The following STX8 variants were observed in gnomAD, a reference collection of about 807,000 sequenced individuals.
STX8 encodes the protein syntaxin 8, also known as syntaxin-8.
In STX8, 23 loss-of-function variants were observed where a neutral mutation model predicts 37.5. The observed-to-expected ratio is 0.61, with a 90% CI of 0.44 to 0.87. The LOEUF (loss-of-function observed/expected upper bound fraction) is 0.87. Among genes scored for constraint, STX8 ranks in the 40% least tolerant of loss-of-function variants. STX8 has a pLI of 0.00. For synonymous variants in STX8, 115 were observed against 99.1 expected (o/e 1.16, Z -0.95); for missense variants, 313 against 284.7 (o/e 1.10, Z -0.71).
chr17:9,404,605 C>G (rs923998011), intron 6 of STX8, among the ~76,000 whole-genome samples: 7 of 152,100 alleles, frequency 4.6e-5, no homozygotes, highest in African/African-American at 1.4e-4. Context: ...CAGGCACACA[C>G]CACCACACCC....
intron 6 of STX8, among the ~76,000 whole-genome samples, chr17:9,395,086 A>AG (rs1912352569): frequency 6.6e-6 from 1 of 151,840 alleles, no homozygotes; most frequent in Non-Finnish European, 1.5e-5. Flanking sequence ...AAAAAAAAAA[A>AG]AAGTTTAAAC....
intron 5 of STX8, among the ~76,000 whole-genome samples, chr17:9,498,824 G>T (rs1339472988): frequency 6.6e-6 from 1 of 152,222 alleles, no homozygotes; most frequent in Non-Finnish European, 1.5e-5. Context: ...AAGGTGGAAT[G>T]ACACTTCATA....
chr17:9,294,847 A>C (rs550683126), intron 7 of STX8, among the ~76,000 whole-genome samples: 3 of 152,234 alleles, frequency 2.0e-5, no homozygotes, highest in African/African-American at 7.2e-5. Flanking sequence ...TGATGTCATT[A>C]TAAGAAGAGG....
intron 5 of STX8, 68 bp downstream of exon 5, chr17:9,504,970 T>C: frequency 1.3e-5 from 1 of 75,894 alleles, no homozygotes; most frequent in Non-Finnish European, 2.2e-5. Context: ...CAAGACTCCG[T>C]CTCAAAAAAA....
chr17:9,559,760 A>ATATATATATATATATTTTTT, intron 2 of STX8, among the ~76,000 whole-genome samples: 11 of 24,488 alleles, frequency 4.5e-4, no homozygotes, highest in African/African-American at 1.9e-3. Flanking sequence ...ATATATATAT[A>ATATATATATATATATTTTTT]TTTTTTTTTT....
chr17:9,353,694 C>T (rs1910785286), intron 7 of STX8, among the ~76,000 whole-genome samples: 1 of 152,184 alleles, frequency 6.6e-6, no homozygotes, highest in Non-Finnish European at 1.5e-5. Context: ...AAGATTTCTG[C>T]AATTCAATGT....
At chr17:9,379,957 G>C (rs1370343607) in intron 6 of STX8, among the ~76,000 whole-genome samples, 1 of 144,242 alleles carries the variant, frequency 6.9e-6, no homozygotes, top group Non-Finnish European at 1.5e-5. Flanking sequence ...GACAGAGAGA[G>C]ACTCTGTCTC....
At chr17:9,506,385 G>A (rs796077959) in intron 4 of STX8, among the ~76,000 whole-genome samples, 1 of 141,316 alleles carries the variant, frequency 7.1e-6, no homozygotes, top group African/African-American at 2.7e-5. Flanking sequence ...TGACTGATTA[G>A]AGTCAGCTGG....
intron 7 of STX8, among the ~76,000 whole-genome samples, chr17:9,290,519 A>G (rs1908278871): frequency 6.6e-6 from 1 of 152,218 alleles, no homozygotes; most frequent in Non-Finnish European, 1.5e-5. Flanking sequence ...AGCAAATTTG[A>G]TACATTTATC....
chr17:9,398,815 G>A (rs955688300), intron 6 of STX8, among the ~76,000 whole-genome samples: 5 of 152,108 alleles, frequency 3.3e-5, no homozygotes, highest in East Asian at 1.9e-4. Context: ...TTGGGAGGCC[G>A]AGGCTGGTGG....
chr17:9,389,496 A>AC (rs1259119546), intron 6 of STX8, among the ~76,000 whole-genome samples: 2 of 152,236 alleles, frequency 1.3e-5, no homozygotes, highest in Non-Finnish European at 2.9e-5. Context: ...ACAAAATGGA[A>AC]CAACGTAAAG....
rs537776788 is a variant in STX8, at chr17:9,382,198, T to C, written c.542-3545A>G. On this transcript the variant is annotated intron_variant, in intron 6 of 7. Coordinates refer to ENST00000306357, the MANE Select transcript of STX8 (RefSeq NM_004853.3). ...ACACACACACACACACACACACACA[T>C]ATGCCCTGCCAAGAGGTATAGTTTT... Among the ~76,000 whole-genome samples, 83 of 149,366 alleles carry C rather than the reference T, an allele frequency of 5.6e-4. No individual in the cohort carries two copies. The Middle Eastern group carries it at 0.014, about 25-fold the overall frequency.
At chr17:9,386,236 G>A (rs1255391327) in intron 6 of STX8, among the ~76,000 whole-genome samples, 1 of 152,054 alleles carries the variant, frequency 6.6e-6, no homozygotes, top group East Asian at 1.9e-4. Context: ...TCTGTTAATG[G>A]AATACTATTC....
intron 7 of STX8, among the ~76,000 whole-genome samples, chr17:9,269,299 G>A (rs1907363681): frequency 6.6e-6 from 1 of 152,152 alleles, no homozygotes; most frequent in South Asian, 2.1e-4. Flanking sequence ...GGTGATTGGG[G>A]TACACGTCCT....
chr17:9,288,488 C>T (rs546356622), intron 7 of STX8, among the ~76,000 whole-genome samples: 24 of 151,576 alleles, frequency 1.6e-4, no homozygotes, highest in Non-Finnish European at 2.9e-4. Flanking sequence ...GGTGAAACCC[C>T]GTCTCTACTA....
intron 6 of STX8, among the ~76,000 whole-genome samples, chr17:9,479,348 A>G (rs147498090): frequency 2.2e-3 from 328 of 152,180 alleles, no homozygotes; most frequent in Non-Finnish European, 3.3e-3. Context: ...AGCCTGGCCA[A>G]CATGGCGAAA....
chr17:9,259,344 C>T (rs944013836), intron 7 of STX8, among the ~76,000 whole-genome samples: 2 of 152,152 alleles, frequency 1.3e-5, no homozygotes, highest in South Asian at 2.1e-4. Context: ...CTGCCTGAAA[C>T]GGGTGCCTAG....
chr17:9,273,300 A>G (rs561190087), intron 7 of STX8: 7 of 152,366 alleles, frequency 4.6e-5, no homozygotes, highest in South Asian at 4.1e-4. Context: ...CTGGAGCCCA[A>G]TTCTCCTTTT....
At chr17:9,422,105 GTTT>G (rs567821440) in intron 6 of STX8, among the ~76,000 whole-genome samples, 2 of 139,660 alleles carry the variant, frequency 1.4e-5, no homozygotes, top group Non-Finnish European at 3.1e-5. Context: ...TCGGGTAGTA[GTTT>G]TTTTTTTTTT....
Sources: allele counts gnomAD v4.1 joint callset (sites outside exome capture counted in the v4.1 genomes callset), GRCh38; gene constraint gnomAD v4.1.1; transcripts MANE v1.5; gene names NCBI Gene and HGNC (gene_info 2026-07-23, HGNC 2026-07-21).